Variants in CFAP54 observed in about 807,000 individuals in gnomAD.
CFAP54 encodes the protein cilia- and flagella-associated protein 54.
CFAP54 carries 290 observed loss-of-function variants against 370.4 expected under a neutral mutation model. That is an observed-to-expected ratio of 0.78 (90% CI 0.71 to 0.86). CFAP54 has a LOEUF of 0.86. CFAP54 is among the 40% of genes least tolerant of loss of function. The pLI, the probability that CFAP54 is intolerant of heterozygous loss-of-function variation, is 0.00. For missense variants in CFAP54, 3,399 were observed against 3,528.7 expected (o/e 0.96, Z 0.93); for synonymous variants, 1,206 against 1,236.5 (o/e 0.98, Z 0.52).
intron 66 of CFAP54, among the ~76,000 whole-genome samples, chr12:96,859,133 G>T (rs1959795467): frequency 6.6e-6 from 1 of 152,088 alleles, no homozygotes. Context: ...TTCAACAGAG[G>T]TGACAAAAAA....
chr12:96,823,385 C>A (rs1401341949), intron 65 of CFAP54, among the ~76,000 whole-genome samples: 1 of 152,124 alleles, frequency 6.6e-6, no homozygotes, highest in South Asian at 2.1e-4. Context: ...AGTAACTGAA[C>A]CTTAGTGCTT....
chr12:96,719,103 T>G (rs1280465252), intron 49 of CFAP54, among the ~76,000 whole-genome samples: 1 of 152,122 alleles, frequency 6.6e-6, no homozygotes, highest in Non-Finnish European at 1.5e-5. Context: ...CCATCCCGTT[T>G]ATCATTTCCC....
At chr12:96,840,789 A>C (rs1959208650) in intron 66 of CFAP54, among the ~76,000 whole-genome samples, 1 of 152,114 alleles carries the variant, frequency 6.6e-6, no homozygotes, top group Non-Finnish European at 1.5e-5. Flanking sequence ...TAGTCTTTTG[A>C]AGACAATGCC....
intron 65 of CFAP54, among the ~76,000 whole-genome samples, chr12:96,826,732 A>G (rs1310911238): frequency 2.7e-5 from 3 of 112,266 alleles, no homozygotes; most frequent in Non-Finnish European, 4.9e-5. Flanking sequence ...AATATATTAT[A>G]TAATATATAA....
chr12:96,742,494 G>A lies in CFAP54; in HGVS notation c.7127G>A (p.Arg2376Gln), dbSNP rs149977859. ...EFLDPISLNA[R>Q]EYFNIHLWLR... ...TTAGATCCTATTTCCCTAAATGCCC[G>A]AGAATATTTCAACATTCATCTGTGG... is the stretch of plus-strand genomic sequence containing the variant. The change falls in exon 52 of 68, where the codon CGA becomes CAA. Residue 2376 changes from arginine (R) to glutamine (Q), a missense_variant. Physicochemically the swap from Arg to Gln is conservative, Grantham distance 43. Coordinates refer to ENST00000524981, the MANE Select transcript of CFAP54 (RefSeq NM_001306084.2). The A allele has an allele frequency of 9.3e-6, 15 of 1,610,998 alleles. No homozygotes were observed. Among genetic ancestry groups the A allele is most frequent in the Middle Eastern group, 1.7e-4 (1 of 5,922 alleles).
chr12:96,559,962 T>C (rs1293205424), intron 17 of CFAP54, among the ~76,000 whole-genome samples: 1 of 152,194 alleles, frequency 6.6e-6, no homozygotes, highest in Non-Finnish European at 1.5e-5. Flanking sequence ...TTTCTTATGT[T>C]TTCTTCTAAA....
chr12:96,535,504 T>A lies in CFAP54; in HGVS notation c.1706-11T>A. The A allele has an allele frequency of 6.6e-7, 1 of 1,520,028 alleles. No individual in the cohort carries two copies. The highest frequency in any genetic ancestry group is 8.8e-7 in the Non-Finnish European group (1 of 1,133,736). 94.2% of individuals were successfully genotyped at this position (1,520,028 alleles called of 1,614,324 possible). ...TTTTTTGTTTCATTTTCCTCTACTT[T>A]ATGAACTTAGATACTTGTTTGAAGA... is the stretch of plus-strand genomic sequence containing the variant. On this transcript the variant is annotated splice_polypyrimidine_tract_variant and intron_variant, in intron 11 of 67. Transcript: ENST00000524981.
At chr12:96,714,979 T>G (rs1241451557) in intron 48 of CFAP54, among the ~76,000 whole-genome samples, 2 of 152,142 alleles carry the variant, frequency 1.3e-5, no homozygotes, top group Non-Finnish European at 2.9e-5. Context: ...TCACCTATAA[T>G]GACAAGTTGA....
chr12:96,663,740 T>A (rs780833330), intron 38 of CFAP54, 90 bp from the exon 39 acceptor site: 79 of 872,870 alleles, frequency 9.1e-5, no homozygotes, highest in Admixed American at 7.1e-5. Context: ...TTTATTCTGA[T>A]AAATAAAAAA....
chr12:96,756,579 ATTG>A lies in CFAP54; in HGVS notation c.7946+21_7946+23del, dbSNP rs757844505. 3.7e-5 allele frequency: 56 copies of A among 1,516,176 alleles called. No homozygotes were observed. In the Middle Eastern group the frequency reaches 6.8e-4, roughly 18 times the overall value. The allele number at this position is 1,516,176 out of a possible 1,614,324, so 93.9% of individuals were successfully genotyped here. A position where few individuals can be genotyped will look rare whatever the true frequency, so the allele number is the denominator to read the frequency against. ...AAAACTCAGGGTAAAAAGATATTCC[ATTG>A]TTGTAGCTGTGTGTGTTTGGCTTGA... is the stretch of plus-strand genomic sequence containing the variant. On this transcript the variant is annotated intron_variant, in intron 57 of 67. Transcript: ENST00000524981.
chr12:96,764,052 C>A, intron 58 of CFAP54, 99 bp from the exon 59 acceptor site: 1 of 690,576 alleles, frequency 1.4e-6, no homozygotes, highest in South Asian at 2.0e-5. Flanking sequence ...ACATTATTAT[C>A]CTTAGTGACT....
At position 96,644,339 on chromosome 12, in the gene CFAP54, T is replaced by G. The variant is rs1032251893; in HGVS notation, c.4478T>G (p.Phe1493Cys). 1.2e-5 allele frequency: 18 copies of G among 1,535,900 alleles called. No individual in the cohort carries two copies. In the Admixed American group the frequency reaches 3.5e-4, roughly 30 times the overall value. ...AACCTGTATCTAGCAGGTGCACACT[T>G]TAACCTGGTTTTACAAAAGCTATGG... ...QMNLYLAGAH[F>C]NLVLQKLWEC... Residue 1493 changes from phenylalanine (F) to cysteine (C), a missense_variant, in exon 33 of 68, where the codon TTT becomes TGT. By Grantham distance (205) the Phe-to-Cys change is radical. Around this residue, in one of 3 missense-constraint regions of CFAP54, gnomAD observed 2,796 missense variants for 2,869.7 expected, o/e 0.97. Transcript: ENST00000524981.
intron 36 of CFAP54, among the ~76,000 whole-genome samples, chr12:96,655,786 A>G (rs1408760505): frequency 6.6e-6 from 1 of 152,176 alleles, no homozygotes; most frequent in Non-Finnish European, 1.5e-5. Context: ...ACATACAGTT[A>G]AAAAAATCTG....
intron 40 of CFAP54, among the ~76,000 whole-genome samples, chr12:96,680,381 G>C (rs1385984257): frequency 6.6e-6 from 1 of 151,928 alleles, no homozygotes; most frequent in Non-Finnish European, 1.5e-5. Context: ...ATTTAGGCTG[G>C]AAAAATCCTG....
At chr12:96,751,089 A>G (rs542521236) in intron 55 of CFAP54, among the ~76,000 whole-genome samples, 17 of 152,354 alleles carry the variant, frequency 1.1e-4, no homozygotes, top group African/African-American at 3.6e-4. Context: ...AAAAATAAAC[A>G]TCATGGTTAT....
At chr12:96,676,212 C>G (rs1957206875) in intron 39 of CFAP54, among the ~76,000 whole-genome samples, 1 of 152,120 alleles carries the variant, frequency 6.6e-6, no homozygotes. Context: ...ACCCTCTGAG[C>G]CATCCTGATT....
At chr12:96,857,917 C>T (rs562139528) in intron 66 of CFAP54, among the ~76,000 whole-genome samples, 2 of 152,250 alleles carry the variant, frequency 1.3e-5, no homozygotes, top group African/African-American at 4.8e-5. Context: ...GAAAACGGAT[C>T]AATATACACG....
chr12:96,762,773 T>A (rs1022524208), intron 58 of CFAP54, among the ~76,000 whole-genome samples: 1 of 58,786 alleles, frequency 1.7e-5, no homozygotes, highest in African/African-American at 6.4e-5. Context: ...TGATTAGGGT[T>A]TTTTTTTTCT....
intron 63 of CFAP54, among the ~76,000 whole-genome samples, chr12:96,805,220 C>T (rs866460869): frequency 2.0e-5 from 3 of 151,968 alleles, no homozygotes; most frequent in Middle Eastern, 3.4e-3. Context: ...TCAAATGCAA[C>T]AACAACAAAA....
Sources: allele counts gnomAD v4.1 joint callset (sites outside exome capture counted in the v4.1 genomes callset), GRCh38; gene constraint gnomAD v4.1.1; regional missense constraint gnomAD v4.1.1; transcripts MANE v1.5; gene names NCBI Gene and HGNC (gene_info 2026-07-23, HGNC 2026-07-21).